Variants in MRPL48 observed in about 807,000 individuals in gnomAD.
MRPL48 encodes mitochondrial ribosomal protein L48.
A neutral mutation model predicts 32.9 loss-of-function variants in MRPL48; 16 were observed. The observed-to-expected ratio is 0.49, with a 90% CI of 0.33 to 0.74. MRPL48 has a LOEUF of 0.74. Ranked by LOEUF, MRPL48 falls within the 30% of genes least tolerant of loss-of-function variation. MRPL48 has a pLI of 0.02. For missense variants in MRPL48, 206 were observed against 245.3 expected (o/e 0.84, Z 1.07); for synonymous variants, 94 against 89.2 (o/e 1.05, Z -0.31).
At chr11:73,836,223 A>G (rs1216694627) in intron 4 of MRPL48, among the ~76,000 whole-genome samples, 2 of 152,038 alleles carry the variant, frequency 1.3e-5, no homozygotes, top group African/African-American at 4.8e-5. Flanking sequence ...GGTTCAAGCA[A>G]TTCTGGTGCC....
At chr11:73,813,332 T>C (rs1437213422) in intron 3 of MRPL48, among the ~76,000 whole-genome samples, 1 of 151,424 alleles carries the variant, frequency 6.6e-6, no homozygotes, top group African/African-American at 2.4e-5. Context: ...CCACCACGCC[T>C]GGCTAATTTT....
intron 4 of MRPL48, among the ~76,000 whole-genome samples, chr11:73,828,754 T>C (rs1264442906): frequency 6.6e-6 from 1 of 150,514 alleles, no homozygotes; most frequent in Non-Finnish European, 1.5e-5. Context: ...ACATCCCCCT[T>C]CTTTTTTTTT....
chr11:73,795,450 A>G (rs1361691623), intron 1 of MRPL48, among the ~76,000 whole-genome samples: 2 of 151,950 alleles, frequency 1.3e-5, no homozygotes, highest in Non-Finnish European at 2.9e-5. Context: ...CTGAGCAGTC[A>G]TAAAAGTTTT....
At chr11:73,799,068 T>C (rs1197551029) in intron 1 of MRPL48, among the ~76,000 whole-genome samples, 1 of 151,716 alleles carries the variant, frequency 6.6e-6, no homozygotes, top group Non-Finnish European at 1.5e-5. Flanking sequence ...TAAGGAGAAT[T>C]TGAAGCTTCT....
intron 4 of MRPL48, among the ~76,000 whole-genome samples, chr11:73,844,413 C>G (rs548925627): frequency 4.6e-5 from 7 of 152,236 alleles, no homozygotes; most frequent in Middle Eastern, 3.4e-3. Context: ...GCCTGGGTGA[C>G]AGGGTGAGAC....
intron 3 of MRPL48, among the ~76,000 whole-genome samples, chr11:73,814,371 G>T (rs1280435320): frequency 1.3e-5 from 2 of 151,434 alleles, no homozygotes; most frequent in African/African-American, 4.9e-5. Context: ...TAGCCTGGAA[G>T]ACAGCACGAG....
intron 4 of MRPL48, among the ~76,000 whole-genome samples, chr11:73,835,945 TA>T (rs1565102021): frequency 6.6e-6 from 1 of 152,044 alleles, no homozygotes; most frequent in Non-Finnish European, 1.5e-5. Flanking sequence ...ATTTTTAATT[TA>T]TTTTTTTGAG....
chr11:73,823,175 C>G (rs1947813126), intron 3 of MRPL48: 2 of 246,726 alleles, frequency 8.1e-6, no homozygotes, highest in South Asian at 8.3e-5. Flanking sequence ...CACTTCCCCA[C>G]TCCTCACATC....
intron 5 of MRPL48, among the ~76,000 whole-genome samples, chr11:73,845,535 G>C (rs1367092758): frequency 6.6e-6 from 1 of 152,178 alleles, no homozygotes; most frequent in Non-Finnish European, 1.5e-5. Context: ...CACTTTGGGA[G>C]GCTAAGGTGG....
intron 4 of MRPL48, among the ~76,000 whole-genome samples, chr11:73,837,890 C>T (rs548795890): frequency 3.3e-5 from 5 of 152,244 alleles, no homozygotes; most frequent in East Asian, 3.9e-4. Flanking sequence ...CACTGTTGCC[C>T]GGGCTGGAGT....
At chr11:73,820,685 C>T (rs1222832336) in intron 3 of MRPL48, among the ~76,000 whole-genome samples, 1 of 152,114 alleles carries the variant, frequency 6.6e-6, no homozygotes, top group Non-Finnish European at 1.5e-5. Context: ...TCATCCAGTA[C>T]ACTTCTATTT....
chr11:73,844,311 G>A (rs1410352022), intron 4 of MRPL48, among the ~76,000 whole-genome samples: 4 of 151,386 alleles, frequency 2.6e-5, no homozygotes, highest in Non-Finnish European at 5.9e-5. Flanking sequence ...TGCGCCTGTC[G>A]TCCCAGCTAC....
At chr11:73,823,862 C>T (rs1208540652) in intron 3 of MRPL48, among the ~76,000 whole-genome samples, 4 of 143,360 alleles carry the variant, frequency 2.8e-5, no homozygotes, top group Non-Finnish European at 6.1e-5. Context: ...AAAGACCCCC[C>T]TTTTTTTTTT....
chr11:73,793,187 T>G (rs1394235106), intron 1 of MRPL48, among the ~76,000 whole-genome samples: 1 of 152,218 alleles, frequency 6.6e-6, no homozygotes, highest in African/African-American at 2.4e-5. Flanking sequence ...TGCCTCAGCC[T>G]TCTAAGTAGC....
intron 4 of MRPL48, among the ~76,000 whole-genome samples, chr11:73,826,127 C>T (rs1947885897): frequency 6.6e-6 from 1 of 151,808 alleles, no homozygotes; most frequent in Non-Finnish European, 1.5e-5. Flanking sequence ...AGTGATCCTC[C>T]CACCTGAGCC....
intron 4 of MRPL48, among the ~76,000 whole-genome samples, chr11:73,829,930 C>T (rs1461262323): frequency 6.6e-6 from 1 of 151,512 alleles, no homozygotes; most frequent in Non-Finnish European, 1.5e-5. Flanking sequence ...ACACCCGGCT[C>T]ATTATATTTT....
intron 5 of MRPL48, among the ~76,000 whole-genome samples, chr11:73,855,918 A>G (rs1362141915): frequency 6.6e-6 from 1 of 152,208 alleles, no homozygotes; most frequent in Non-Finnish European, 1.5e-5. Context: ...CTCTTTCATA[A>G]CATGCACTTC....
chr11:73,812,742 T>TATATATATATA (rs1379687569), intron 3 of MRPL48, among the ~76,000 whole-genome samples: 2 of 103,076 alleles, frequency 1.9e-5, no homozygotes, highest in African/African-American at 9.2e-5. Context: ...ATATATATAT[T>TATATATATATA]TATTTATTTA....
intron 5 of MRPL48, among the ~76,000 whole-genome samples, chr11:73,856,643 T>C (rs182724089): frequency 2.2e-4 from 33 of 152,342 alleles, no homozygotes; most frequent in Admixed American, 2.0e-3. Context: ...GAGGCTGCTC[T>C]TCTGTTTTTA....
Sources: allele counts gnomAD v4.1 joint callset (sites outside exome capture counted in the v4.1 genomes callset), GRCh38; gene constraint gnomAD v4.1.1; transcripts MANE v1.5; gene names NCBI Gene and HGNC (gene_info 2026-07-23, HGNC 2026-07-21).